The following MICAL3 variants were observed in gnomAD, a reference collection of about 807,000 sequenced individuals.
MICAL3 encodes the protein microtubule associated monooxygenase, calponin and LIM domain containing 3.
MICAL3 carries 62 observed loss-of-function variants against 207.4 expected under a neutral mutation model. The ratio of observed to expected loss-of-function variants is 0.30; its 90% confidence interval spans 0.24 to 0.37. The LOEUF is 0.37. MICAL3 is among the 10% of genes least tolerant of loss of function. The probability of loss-of-function intolerance (pLI) is 1.00; values close to 1 mark genes in which losing one functional copy is unlikely to be tolerated. For missense variants in MICAL3, 2,368 were observed against 2,635.6 expected, an observed-to-expected ratio of 0.90 and a Z score of 2.22; for synonymous variants, 1,077 against 1,069.3, an observed-to-expected ratio of 1.01 and a Z score of -0.14.
At position 17,791,020 on chromosome 22, in the gene MICAL3, G is replaced by A; in HGVS notation, c.5802C>T (p.Leu1934=). The A allele has an allele frequency of 1.9e-6, 3 of 1,612,394 alleles. No homozygotes were observed. Among genetic ancestry groups the A allele is most frequent in the Non-Finnish European group, 2.5e-6 (3 of 1,179,816 alleles). ...EDRQSRLQQE[L]RERMAVEDHL... is the part of the protein sequence containing the mutation. ...CACCTTCCACTGCCATGCGTTCCCG[G>A]AGCTCCTGCTGCAGTCGACTCTGCC... Residue 1934 remains leucine (L), a synonymous_variant, in exon 31 of 32, where the codon CTC becomes CTT. Coordinates refer to ENST00000441493, the MANE Select transcript of MICAL3 (RefSeq NM_015241.3).
At chr22:17,824,567 A>AGTG (rs1482442915) in intron 22 of MICAL3, among the ~76,000 whole-genome samples, 24 of 152,216 alleles carry the variant, frequency 1.6e-4, no homozygotes, top group Non-Finnish European at 3.4e-4. Context: ...TGACGGTTCA[A>AGTG]ATCTAGTGTT....
intron 1 of MICAL3, among the ~76,000 whole-genome samples, chr22:17,963,581 G>A (rs1935015112): frequency 6.6e-6 from 1 of 152,064 alleles, no homozygotes; most frequent in African/African-American, 2.4e-5. Context: ...AGGAGAGGAG[G>A]GCAGTGAGCA....
At chr22:17,861,469 C>G (rs1926508232) in intron 19 of MICAL3, 1 of 985,484 alleles carries the variant, frequency 1.0e-6, no homozygotes, top group Non-Finnish European at 1.2e-6. Context: ...CTGTTCCTTT[C>G]CGGCTATGCC....
At chr22:17,858,595 G>A (rs552861956) in intron 19 of MICAL3, 1 of 367,646 alleles carries the variant, frequency 2.7e-6, no homozygotes, top group Admixed American at 6.4e-5. Flanking sequence ...ATGAAAATAA[G>A]AGTGGCCCAT....
At chr22:17,986,108 T>C (rs1920992713) in intron 1 of MICAL3, among the ~76,000 whole-genome samples, 1 of 152,156 alleles carries the variant, frequency 6.6e-6, no homozygotes, top group Non-Finnish European at 1.5e-5. Flanking sequence ...GGTTTCACCA[T>C]CTTGGCCAGT....
At chr22:17,981,579 C>A (rs182863549) in intron 1 of MICAL3, among the ~76,000 whole-genome samples, 1 of 152,038 alleles carries the variant, frequency 6.6e-6, no homozygotes, top group East Asian at 1.9e-4. Context: ...GTTGTGTTTG[C>A]GAGTGTCCAT....
At chr22:18,003,480 C>T (rs1923176860) in intron 1 of MICAL3, among the ~76,000 whole-genome samples, 1 of 152,168 alleles carries the variant, frequency 6.6e-6, no homozygotes, top group South Asian at 2.1e-4. Context: ...CTGCTCACCC[C>T]TCCCTAGAGC....
chr22:17,937,191 TTA>T (rs1431855189), intron 1 of MICAL3, among the ~76,000 whole-genome samples: 1 of 152,214 alleles, frequency 6.6e-6, no homozygotes. Flanking sequence ...ATTACCTGCT[TTA>T]TCTCTTTTGG....
intron 16 of MICAL3, chr22:17,872,750 T>C: frequency 6.2e-7 from 1 of 1,600,558 alleles, no homozygotes; most frequent in Admixed American, 1.7e-5. Flanking sequence ...CTCTTACCAG[T>C]TCCTTCTTGT....
At chr22:17,870,632 G>A (rs995823009) in intron 17 of MICAL3, among the ~76,000 whole-genome samples, 4 of 152,194 alleles carry the variant, frequency 2.6e-5, no homozygotes, top group Admixed American at 6.5e-5. Context: ...ACAGCTCAGC[G>A]AGGTTGGGTG....
chr22:17,936,171 C>G (rs1452889941), intron 1 of MICAL3, among the ~76,000 whole-genome samples: 5 of 152,146 alleles, frequency 3.3e-5, no homozygotes, highest in Admixed American at 3.3e-4. Context: ...GACTTGGAAC[C>G]AACCCAAATG....
chr22:17,989,106 C>G (rs1232024351), intron 1 of MICAL3, among the ~76,000 whole-genome samples: 1 of 152,164 alleles, frequency 6.6e-6, no homozygotes, highest in African/African-American at 2.4e-5. Context: ...TGTTCAAACC[C>G]CCGGCAGGTT....
intron 1 of MICAL3, among the ~76,000 whole-genome samples, chr22:18,013,484 C>T (rs1923869877): frequency 6.6e-6 from 1 of 152,198 alleles, no homozygotes; most frequent in Non-Finnish European, 1.5e-5. Flanking sequence ...AGAATCTGAA[C>T]CCAAGTCTGT....
chr22:17,837,177 C>T (rs889722506), intron 20 of MICAL3, among the ~76,000 whole-genome samples: 9 of 152,204 alleles, frequency 5.9e-5, no homozygotes, highest in East Asian at 1.9e-4. Context: ...GCATCCTGCT[C>T]GGCAATGGCT....
chr22:17,906,949 A>G lies in MICAL3; in HGVS notation c.-74-63T>C, dbSNP rs1931766570. On this transcript the variant is annotated intron_variant, in intron 1 of 31. Coordinates refer to ENST00000441493, the MANE Select transcript of MICAL3 (RefSeq NM_015241.3). The stretch of plus-strand genomic sequence containing the variant: ...TGTCTACAAACATTCTCCAGGAGAC[A>G]TATTCCTCTTCAAAGCAGAGTTCTA... 3 of 866,834 alleles carry G rather than the reference A, an allele frequency of 3.5e-6. No individual in the cohort carries two copies. In the East Asian group the frequency reaches 7.4e-5, roughly 21 times the overall value. The allele number at this position is 866,834 out of a possible 1,614,324, so 53.7% of individuals were successfully genotyped here.
rs1921204707 is a variant in MICAL3, at chr22:17,818,215, A to G, written c.4446T>C (p.Asn1482=). 9.0e-6 allele frequency: 12 copies of G among 1,338,072 alleles called. No individual in the cohort carries two copies. The highest frequency in any genetic ancestry group is 1.2e-5 in the Non-Finnish European group (12 of 1,026,716). 82.9% of individuals were successfully genotyped at this position (1,338,072 alleles called of 1,614,324 possible). A position where few individuals can be genotyped will look rare whatever the true frequency, so the allele number is the denominator to read the frequency against. The change falls in exon 26 of 32, where the codon AAT becomes AAC. Residue 1482 remains asparagine (N), a synonymous_variant. Coordinates refer to ENST00000441493, the MANE Select transcript of MICAL3 (RefSeq NM_015241.3). ...LRRKLREAEP[N]ASVVPPPLPA... ...GCAAGGGCGGCGGGACCACCGAGGC[A>G]TTGGGCTCGGCCTCCCTGAGCTTCC...
intron 1 of MICAL3, among the ~76,000 whole-genome samples, chr22:17,970,558 T>G (rs1360018074): frequency 6.6e-6 from 1 of 152,236 alleles, no homozygotes; most frequent in Non-Finnish European, 1.5e-5. Context: ...GTGTCAGGTT[T>G]CAGCACTAAT....
intron 22 of MICAL3, among the ~76,000 whole-genome samples, chr22:17,824,421 T>G (rs1233988086): frequency 6.6e-6 from 1 of 152,230 alleles, no homozygotes; most frequent in African/African-American, 2.4e-5. Context: ...GGAAGTAGCA[T>G]CTTCTCTCCA....
intron 10 of MICAL3, 126 bp downstream of exon 10, chr22:17,895,158 T>C: frequency 2.1e-6 from 2 of 937,610 alleles, no homozygotes; most frequent in Non-Finnish European, 3.3e-6. Context: ...GAGAGACATC[T>C]ACCTGGATGA....
Sources: allele counts gnomAD v4.1 joint callset (sites outside exome capture counted in the v4.1 genomes callset), GRCh38; gene constraint gnomAD v4.1.1; transcripts MANE v1.5; gene names NCBI Gene and HGNC (gene_info 2026-07-23, HGNC 2026-07-21).